CBFA2T2: variants seen among roughly 807,000 people sequenced by gnomAD.
The protein encoded by CBFA2T2 is CBFA2/RUNX1 partner transcriptional co-repressor 2.
CBFA2T2 carries 11 observed loss-of-function variants against 62.2 expected under a neutral mutation model. That is an observed-to-expected ratio of 0.18 (90% CI 0.11 to 0.29). The LOEUF (loss-of-function observed/expected upper bound fraction) is 0.29, where lower values mean the gene tolerates loss of function less well. CBFA2T2 is among the 10% of genes least tolerant of loss of function. CBFA2T2 has a pLI of 1.00. For missense variants in CBFA2T2, 592 were observed against 774.1 expected (o/e 0.76, Z 2.79); for synonymous variants, 295 against 287.5 (o/e 1.03, Z -0.27).
chr20:33,528,743 T>C (rs1374918534), intron 1 of CBFA2T2, among the ~76,000 whole-genome samples: 1 of 152,140 alleles, frequency 6.6e-6, no homozygotes, highest in African/African-American at 2.4e-5. Context: ...TCTCACCATG[T>C]TGTCCAGGCT....
At chr20:33,595,248 G>A (rs1050275100) in intron 1 of CBFA2T2, among the ~76,000 whole-genome samples, 1 of 152,154 alleles carries the variant, frequency 6.6e-6, no homozygotes, top group East Asian at 1.9e-4. Context: ...GTCTCACTTT[G>A]TTGCCCAGGC....
intron 1 of CBFA2T2, among the ~76,000 whole-genome samples, chr20:33,520,552 C>G (rs1242675701): frequency 2.6e-5 from 4 of 152,214 alleles, no homozygotes; most frequent in East Asian, 3.9e-4. Flanking sequence ...AGGTGGATCA[C>G]TGGAGGTCAG....
At chr20:33,531,055 C>T (rs1016304681) in intron 1 of CBFA2T2, among the ~76,000 whole-genome samples, 1 of 152,246 alleles carries the variant, frequency 6.6e-6, no homozygotes, top group African/African-American at 2.4e-5. Flanking sequence ...TGCACTCCAA[C>T]CTGGGCAACA....
intron 10 of CBFA2T2, among the ~76,000 whole-genome samples, chr20:33,642,114 T>C (rs77017273): frequency 1.6e-5 from 1 of 62,806 alleles, no homozygotes; most frequent in Admixed American, 1.7e-4. Flanking sequence ...TCTTTTTTTT[T>C]TTTGTGTGTG....
At chr20:33,554,768 T>C (rs2012847875) in intron 1 of CBFA2T2, among the ~76,000 whole-genome samples, 1 of 151,976 alleles carries the variant, frequency 6.6e-6, no homozygotes, top group Admixed American at 6.6e-5. Flanking sequence ...ATCATTTTTA[T>C]GTGCTAGATG....
At chr20:33,621,614 C>G (rs1568858605) in intron 4 of CBFA2T2, among the ~76,000 whole-genome samples, 1 of 152,098 alleles carries the variant, frequency 6.6e-6, no homozygotes, top group Admixed American at 6.6e-5. Flanking sequence ...AATTTTGCCT[C>G]TTAACAAAGC....
intron 1 of CBFA2T2, among the ~76,000 whole-genome samples, chr20:33,521,975 C>G (rs1354632886): frequency 6.6e-6 from 1 of 151,798 alleles, no homozygotes; most frequent in East Asian, 1.9e-4. Flanking sequence ...CCTTGTAAGG[C>G]TACTTATAAA....
chr20:33,544,739 G>T (rs1280057798), intron 1 of CBFA2T2, among the ~76,000 whole-genome samples: 3 of 151,806 alleles, frequency 2.0e-5, no homozygotes, highest in South Asian at 4.2e-4. Flanking sequence ...TAGAGATGGG[G>T]TTTCACCATA....
chr20:33,515,801 C>CAAAAAA (rs61686638), intron 1 of CBFA2T2, among the ~76,000 whole-genome samples: 3 of 75,194 alleles, frequency 4.0e-5, no homozygotes, highest in African/African-American at 1.6e-4. Flanking sequence ...GACTCCATCT[C>CAAAAAA]AAAAAAAAAA....
intron 1 of CBFA2T2, among the ~76,000 whole-genome samples, chr20:33,567,287 C>G (rs970504412): frequency 6.6e-6 from 1 of 152,180 alleles, no homozygotes; most frequent in Non-Finnish European, 1.5e-5. Flanking sequence ...GTTCAATCCT[C>G]AGCAGTTTGT....
chr20:33,578,723 A>G (rs1022428624), intron 1 of CBFA2T2, among the ~76,000 whole-genome samples: 1 of 152,132 alleles, frequency 6.6e-6, no homozygotes, highest in East Asian at 1.9e-4. Flanking sequence ...CATAAGGCCC[A>G]CTCTGGCACC....
In CBFA2T2 at chr20:33,619,714, T is replaced by A. The variant is rs1403374999; in HGVS notation, c.510+108T>A. The A allele has an allele frequency of 5.5e-6, 4 of 732,366 alleles. No homozygotes were observed. The Admixed American group carries it at 1.2e-4, about 22-fold the overall frequency. The allele number at this position is 732,366 out of a possible 1,614,324, so 45.4% of individuals were successfully genotyped here. On this transcript the variant is annotated intron_variant, in intron 4 of 10. Coordinates refer to ENST00000342704, the MANE Select transcript of CBFA2T2 (RefSeq NM_001032999.3). ...GCCGCTTGCCACGTTTTTAGATCTT[T>A]ATTTTGGGCTGGTAGAGAGGTCTGA...
At chr20:33,528,542 G>A (rs774009410) in intron 1 of CBFA2T2, among the ~76,000 whole-genome samples, 2 of 152,148 alleles carry the variant, frequency 1.3e-5, no homozygotes, top group African/African-American at 2.4e-5. Context: ...TTTATTATCA[G>A]CCTTTGACTG....
chr20:33,537,473 C>A (rs940020779), intron 1 of CBFA2T2, among the ~76,000 whole-genome samples: 2 of 152,158 alleles, frequency 1.3e-5, no homozygotes, highest in Non-Finnish European at 2.9e-5. Flanking sequence ...AGAGGGAGAC[C>A]GTGGAAAGAG....
chr20:33,621,960 C>T (rs909272609), intron 4 of CBFA2T2, among the ~76,000 whole-genome samples: 2 of 152,152 alleles, frequency 1.3e-5, no homozygotes, highest in Non-Finnish European at 2.9e-5. Context: ...ATTATTTCCC[C>T]AAGACTCTAG....
At chr20:33,510,458 G>A (rs965213192) in intron 1 of CBFA2T2, among the ~76,000 whole-genome samples, 2 of 151,922 alleles carry the variant, frequency 1.3e-5, no homozygotes, top group African/African-American at 2.4e-5. Flanking sequence ...TGATCCGCCC[G>A]CCTCGGCCTC....
At chr20:33,554,269 T>TTTTC (rs1480627649) in intron 1 of CBFA2T2, among the ~76,000 whole-genome samples, 3 of 151,046 alleles carry the variant, frequency 2.0e-5, no homozygotes, top group Non-Finnish European at 4.4e-5. Context: ...TTTTTTTTTT[T>TTTTC]TTTCAGACAG....
At position 33,490,100 on chromosome 20, in the gene CBFA2T2, G is replaced by GCGGCGGCGA. The variant is rs1019257009; in HGVS notation, c.-162_-154dup. 1.1e-5 allele frequency: 7 copies of GCGGCGGCGA among 646,950 alleles called. No individual in the cohort carries two copies. Among genetic ancestry groups the GCGGCGGCGA allele is most frequent in the African/African-American group, 9.8e-5 (5 of 50,870 alleles). The allele number at this position is 646,950 out of a possible 1,614,324, so 40.1% of individuals were successfully genotyped here. On this transcript the variant is annotated 5_prime_UTR_variant, in exon 1 of 11. Coordinates refer to ENST00000342704, the MANE Select transcript of CBFA2T2 (RefSeq NM_001032999.3). Reference sequence around the variant, plus strand: ...GGGGCGCGGCCTAACGGCGGCGGCGGCGGCGGCGACGGCGACAGCAGCGGT... The same window carrying GCGGCGGCGA: ...GGGGCGCGGCCTAACGGCGGCGGCGGCGGCGGCGACGGCGGCGACGGCGACAGCAGCGGT...
chr20:33,592,376 A>G (rs1004898220), intron 1 of CBFA2T2, among the ~76,000 whole-genome samples: 25 of 122,704 alleles, frequency 2.0e-4, no homozygotes, highest in African/African-American at 8.0e-4. Flanking sequence ...AAAAAATTTT[A>G]TATATATATA....
Sources: gnomAD v4.1 joint callset for allele counts (sites outside exome capture counted in the v4.1 genomes callset) on GRCh38, gnomAD v4.1.1 for gene constraint, MANE v1.5 for transcripts, NCBI Gene and HGNC (gene_info 2026-07-23, HGNC 2026-07-21) for gene names.